The following MDGA2 variants were observed in gnomAD, a reference collection of about 807,000 sequenced individuals.
MDGA2 encodes the protein MAM domain containing glycosylphosphatidylinositol anchor 2.
Under a neutral mutation model 117.8 loss-of-function variants are expected in MDGA2, and 40 were observed. The observed-to-expected ratio is 0.34, with a 90% CI of 0.26 to 0.44. The LOEUF is 0.44. Ranked by LOEUF, MDGA2 falls within the 20% of genes least tolerant of loss-of-function variation. The probability of loss-of-function intolerance (pLI) is 1.00; values close to 1 mark genes in which losing one functional copy is unlikely to be tolerated. For missense variants in MDGA2, 1,123 were observed against 1,250.6 expected (o/e 0.90, Z 1.54); for synonymous variants, 452 against 439.0 (o/e 1.03, Z -0.37).
intron 2 of MDGA2, among the ~76,000 whole-genome samples, chr14:47,240,706 A>AC (rs1438075810): frequency 6.6e-6 from 1 of 151,962 alleles, no homozygotes; most frequent in African/African-American, 2.4e-5. Context: ...TATTGCACAC[A>AC]CAACTGAGGG....
intron 2 of MDGA2, among the ~76,000 whole-genome samples, chr14:47,250,810 T>C (rs971405772): frequency 1.3e-5 from 2 of 152,232 alleles, no homozygotes; most frequent in Non-Finnish European, 2.9e-5. Context: ...ATTTAAGATA[T>C]TGTGGCAATT....
At chr14:47,190,898 C>T (rs1184486132) in intron 3 of MDGA2, among the ~76,000 whole-genome samples, 1 of 152,096 alleles carries the variant, frequency 6.6e-6, no homozygotes, top group African/African-American at 2.4e-5. Context: ...TCTTATTACA[C>T]TACCTTGTTT....
At chr14:47,162,770 C>T (rs1291246119) in intron 3 of MDGA2, among the ~76,000 whole-genome samples, 1 of 152,076 alleles carries the variant, frequency 6.6e-6, no homozygotes, top group African/African-American at 2.4e-5. Context: ...ATACTTCATG[C>T]TCTGTATTTT....
chr14:47,220,091 T>A (rs950665338), intron 2 of MDGA2, among the ~76,000 whole-genome samples: 5 of 152,064 alleles, frequency 3.3e-5, no homozygotes, highest in African/African-American at 1.2e-4. Context: ...GAAATGCAAA[T>A]AATCACTTAG....
At position 47,447,104 on chromosome 14, in the gene MDGA2, T is replaced by C. The variant is rs528337012; in HGVS notation, c.281-145554A>G. ...GGATGAAATATTTTCCTATTACTTC[T>C]TGATACTAAAATAGCTTCATGTTGC... On this transcript the variant is annotated intron_variant, in intron 1 of 16. Transcript: ENST00000399232. Among the ~76,000 whole-genome samples, 3 of 152,314 alleles carry C rather than the reference T, an allele frequency of 2.0e-5. No individual in the cohort carries two copies. The East Asian group carries it at 5.8e-4, about 29-fold the overall frequency.
chr14:47,428,954 T>C (rs1892744337), intron 1 of MDGA2, among the ~76,000 whole-genome samples: 1 of 151,952 alleles, frequency 6.6e-6, no homozygotes, highest in Non-Finnish European at 1.5e-5. Flanking sequence ...AATGGGATCA[T>C]CCACAAGTTA....
At chr14:47,156,746 A>G (rs1214495158) in intron 3 of MDGA2, among the ~76,000 whole-genome samples, 3 of 152,208 alleles carry the variant, frequency 2.0e-5, no homozygotes, top group African/African-American at 4.8e-5. Flanking sequence ...TTTTCTCTGG[A>G]AAGTTCCAGA....
At chr14:47,631,602 T>A (rs891757727) in intron 1 of MDGA2, among the ~76,000 whole-genome samples, 7 of 152,178 alleles carry the variant, frequency 4.6e-5, no homozygotes, top group African/African-American at 1.7e-4. Flanking sequence ...CAACTCTCAA[T>A]ATAATCTATT....
intron 1 of MDGA2, among the ~76,000 whole-genome samples, chr14:47,674,085 G>A (rs1898127034): frequency 6.6e-6 from 1 of 151,442 alleles, no homozygotes; most frequent in Non-Finnish European, 1.5e-5. Flanking sequence ...AAAAGGTGGA[G>A]AGGAGGAGGC....
At chr14:47,281,395 C>G (rs1016468152) in intron 2 of MDGA2, among the ~76,000 whole-genome samples, 3 of 152,024 alleles carry the variant, frequency 2.0e-5, no homozygotes, top group African/African-American at 7.2e-5. Flanking sequence ...ATTTCTCTAT[C>G]CAGGTATTTT....
intron 1 of MDGA2, among the ~76,000 whole-genome samples, chr14:47,469,434 TG>T (rs1220080641): frequency 6.6e-6 from 1 of 152,184 alleles, no homozygotes; most frequent in East Asian, 1.9e-4. Context: ...AATAGTTTGC[TG>T]AGAATGATGG....
intron 1 of MDGA2, among the ~76,000 whole-genome samples, chr14:47,375,334 A>G (rs1224615195): frequency 6.6e-6 from 1 of 151,940 alleles, no homozygotes; most frequent in East Asian, 1.9e-4. Context: ...TTATCTTCCT[A>G]AAACCCACTT....
Position 47,093,770 on chromosome 14 carries a change from T to C in MDGA2, c.1195+3084A>G, listed in dbSNP as rs1050694281. 4.6e-5 allele frequency among the ~76,000 whole-genome samples: 7 copies of C among 152,248 alleles called. No homozygotes were observed. The East Asian group carries it at 1.4e-3, about 29-fold the overall frequency. The stretch of plus-strand genomic sequence containing the variant: ...AAAAGTAGAATAAAGAATTCTGAAA[T>C]GTTTCTTGAATTTTATTTCTATCAG... On this transcript the variant is annotated intron_variant, in intron 6 of 16. Coordinates refer to ENST00000399232, the MANE Select transcript of MDGA2 (RefSeq NM_001113498.3).
chr14:47,622,489 T>C (rs906297065), intron 1 of MDGA2, among the ~76,000 whole-genome samples: 9 of 152,254 alleles, frequency 5.9e-5, no homozygotes, highest in African/African-American at 2.2e-4. Flanking sequence ...CAAGAATAAA[T>C]GGGAGGTGTG....
rs1398290084 is a variant in MDGA2, at chr14:47,218,180, T to C, written c.436A>G (p.Thr146Ala). 1.9e-6 allele frequency: 3 copies of C among 1,547,768 alleles called. No homozygotes were observed. The highest frequency in any genetic ancestry group is 2.6e-6 in the Non-Finnish European group (3 of 1,144,854). ...HPRPQIRWTKTAGSASDRFQD... is the reference protein window; with the variant it reads ...HPRPQIRWTKAAGSASDRFQD... ...AATCTGTCAGAGGCACTTCCTGCTG[T>C]TTTGGTCCACCTGATCTGAGCAAGC... Residue 146 changes from threonine to alanine, a missense_variant, in exon 3 of 17, where the codon ACA becomes GCA. By Grantham distance (58) the Thr-to-Ala change is moderately conservative. Transcript: ENST00000399232.
chr14:47,345,167 G>A (rs957182411), intron 1 of MDGA2, among the ~76,000 whole-genome samples: 1 of 151,924 alleles, frequency 6.6e-6, no homozygotes, highest in African/African-American at 2.4e-5. Flanking sequence ...TTTTAGCTAG[G>A]ACTTGGCAAA....
intron 1 of MDGA2, among the ~76,000 whole-genome samples, chr14:47,335,745 T>TATATATATATACACACACATAC: frequency 1.0e-5 from 1 of 95,558 alleles, no homozygotes; most frequent in African/African-American, 4.3e-5. Context: ...TATATATATA[T>TATATATATATACACACACATAC]ATACATACAT....
At chr14:46,956,896 A>G (rs1468548566) in intron 9 of MDGA2, among the ~76,000 whole-genome samples, 1 of 152,080 alleles carries the variant, frequency 6.6e-6, no homozygotes, top group Non-Finnish European at 1.5e-5. Flanking sequence ...CTGATAGTTT[A>G]AAAGTGTGTG....
In MDGA2 at chr14:46,857,838, T is replaced by C. The variant is rs568568283; in HGVS notation, c.2753-2684A>G. Among the ~76,000 whole-genome samples, 339 of 152,064 alleles carry C rather than the reference T, an allele frequency of 2.2e-3. 1 individual carries two copies. The highest frequency in any genetic ancestry group is 7.8e-3 in the African/African-American group (323 of 41,520). ...CCTAGCTAATTTATTTATCTTTTTT[T>C]ATGAATGGGGTCTCTCCATCTTACT... On this transcript the variant is annotated intron_variant, in intron 14 of 16. Coordinates refer to ENST00000399232, the MANE Select transcript of MDGA2 (RefSeq NM_001113498.3).
Sources: allele counts gnomAD v4.1 joint callset (sites outside exome capture counted in the v4.1 genomes callset), GRCh38; gene constraint gnomAD v4.1.1; transcripts MANE v1.5; gene names NCBI Gene and HGNC (gene_info 2026-07-23, HGNC 2026-07-21).